The following MECOM variants were observed in gnomAD, a reference collection of about 807,000 sequenced individuals.
MECOM encodes histone-lysine N-methyltransferase MECOM.
Under a neutral mutation model 116.3 loss-of-function variants are expected in MECOM, and 13 were observed. That is an observed-to-expected ratio of 0.11 (90% CI 0.07 to 0.18). The LOEUF (loss-of-function observed/expected upper bound fraction) is 0.18, where lower values mean the gene tolerates loss of function less well. Ranked by LOEUF, MECOM falls within the 10% of genes least tolerant of loss-of-function variation. The pLI, the probability that MECOM is intolerant of heterozygous loss-of-function variation, is 1.00. For missense variants in MECOM, 1,299 were observed against 1,509.0 expected, an observed-to-expected ratio of 0.86 and a Z score of 2.31; for synonymous variants, 528 against 535.2, an observed-to-expected ratio of 0.99 and a Z score of 0.19.
intron 1 of MECOM, among the ~76,000 whole-genome samples, chr3:169,624,325 C>T (rs1771098645): frequency 6.6e-6 from 1 of 152,190 alleles, no homozygotes; most frequent in Admixed American, 6.5e-5. Flanking sequence ...GTAATTGGTG[C>T]CTCTCTACCA....
chr3:169,528,278 C>G (rs1232159823), intron 1 of MECOM, among the ~76,000 whole-genome samples: 1 of 152,152 alleles, frequency 6.6e-6, no homozygotes, highest in Non-Finnish European at 1.5e-5. Flanking sequence ...CAATAATAAG[C>G]TGAGACTCTA....
chr3:169,478,297 T>C (rs1750782413), intron 1 of MECOM, among the ~76,000 whole-genome samples: 1 of 152,332 alleles, frequency 6.6e-6, no homozygotes, highest in African/African-American at 2.4e-5. Context: ...AGAATGATAT[T>C]GTCAAGGCAG....
At chr3:169,562,493 G>A (rs529874178) in intron 1 of MECOM, among the ~76,000 whole-genome samples, 1 of 152,272 alleles carries the variant, frequency 6.6e-6, no homozygotes, top group African/African-American at 2.4e-5. Flanking sequence ...GTATTATGGT[G>A]GAGGGGCTCA....
rs1241798739 is a variant in MECOM at position 169,360,681 on chromosome 3, A to G, written c.375+20506T>C. Among the ~76,000 whole-genome samples, 5 of 151,736 alleles carry G rather than the reference A, an allele frequency of 3.3e-5. No homozygotes were observed. The East Asian group carries it at 9.7e-4, about 30-fold the overall frequency. On this transcript the variant is annotated intron_variant, in intron 2 of 16. Coordinates refer to ENST00000651503, the MANE Select transcript of MECOM (RefSeq NM_004991.4). ...ACAGGCCATTGATGGAGAAGAGCCC[A>G]GGGGGGAAAAAAAAGCAAATTCACA...
chr3:169,587,972 C>A (rs902716303), intron 1 of MECOM, among the ~76,000 whole-genome samples: 1 of 152,156 alleles, frequency 6.6e-6, no homozygotes, highest in Admixed American at 6.5e-5. Context: ...AAACTCCATA[C>A]AGTTCCAAAT....
At position 169,652,744 on chromosome 3, in the gene MECOM, A is replaced by G. The variant is rs1775072002; in HGVS notation, c.37+10592T>C. The stretch of plus-strand genomic sequence containing the variant: ...ATCAACCTTAAATTGTTTGAAAGAA[A>G]TCTTTAATCATAAAAGTGCATTTAA... On this transcript the variant is annotated intron_variant, in intron 1 of 16. Coordinates refer to ENST00000651503, the MANE Select transcript of MECOM (RefSeq NM_004991.4). Among the ~76,000 whole-genome samples, 6 of 152,336 alleles carry G rather than the reference A, an allele frequency of 3.9e-5. No homozygotes were observed. In the South Asian group the frequency reaches 1.2e-3, roughly 32 times the overall value.
chr3:169,324,644 C>T (rs978388467), intron 2 of MECOM, among the ~76,000 whole-genome samples: 1 of 152,200 alleles, frequency 6.6e-6, no homozygotes, highest in Admixed American at 6.5e-5. Context: ...TGCAGATCCT[C>T]GGATTCTCCC....
chr3:169,512,536 A>G (rs1756104796), intron 1 of MECOM, among the ~76,000 whole-genome samples: 1 of 152,164 alleles, frequency 6.6e-6, no homozygotes, highest in Admixed American at 6.5e-5. Context: ...CATGCCCAAT[A>G]TTTACTTCAG....
intron 2 of MECOM, among the ~76,000 whole-genome samples, chr3:169,371,683 A>G (rs1730164757): frequency 6.6e-6 from 1 of 152,008 alleles, no homozygotes; most frequent in Non-Finnish European, 1.5e-5. Context: ...CAATAAAGCC[A>G]AAAAATAAAA....
chr3:169,576,349 TA>T (rs1378227210), intron 1 of MECOM, among the ~76,000 whole-genome samples: 1 of 151,952 alleles, frequency 6.6e-6, no homozygotes, highest in Non-Finnish European at 1.5e-5. Context: ...AAAACCACAA[TA>T]AAAGGATGCT....
intron 1 of MECOM, among the ~76,000 whole-genome samples, chr3:169,423,268 A>G (rs1740064793): frequency 6.6e-6 from 1 of 152,136 alleles, no homozygotes; most frequent in Non-Finnish European, 1.5e-5. Context: ...GATTTCACAC[A>G]TCGAGGTATC....
intron 10 of MECOM, among the ~76,000 whole-genome samples, 194 bp from the exon 11 acceptor site, chr3:169,102,420 G>C (rs1723907012): frequency 6.6e-6 from 1 of 152,134 alleles, no homozygotes; most frequent in Admixed American, 6.6e-5. Flanking sequence ...GTAGAACCAA[G>C]CTTATAAAAT....
intron 2 of MECOM, among the ~76,000 whole-genome samples, chr3:169,241,476 A>T (rs192283971): frequency 6.6e-6 from 1 of 152,362 alleles, no homozygotes; most frequent in East Asian, 1.9e-4. Context: ...AGGTATAAAG[A>T]GAATCCGAAA....
chr3:169,568,136 T>A (rs1231826685), intron 1 of MECOM, among the ~76,000 whole-genome samples: 1 of 152,170 alleles, frequency 6.6e-6, no homozygotes, highest in Non-Finnish European at 1.5e-5. Context: ...CTCCCTTCTC[T>A]AGCCGACAGA....
intron 2 of MECOM, among the ~76,000 whole-genome samples, chr3:169,286,551 G>GA (rs1395400805): frequency 6.6e-6 from 1 of 152,004 alleles, no homozygotes; most frequent in African/African-American, 2.4e-5. Context: ...TCCCTGCAAG[G>GA]AATCAGGCCA....
chr3:169,545,694 A>T (rs1280162509), intron 1 of MECOM, among the ~76,000 whole-genome samples: 1 of 152,184 alleles, frequency 6.6e-6, no homozygotes, highest in Non-Finnish European at 1.5e-5. Flanking sequence ...CCAGTCCTGC[A>T]TCTGACATGA....
At chr3:169,172,407 A>ATGTG (rs5854312) in intron 2 of MECOM, among the ~76,000 whole-genome samples, 26,607 of 144,240 alleles carry the variant, frequency 0.18, 2,575 homozygotes, top group Admixed American at 0.27. Context: ...GTACCCTTGT[A>ATGTG]TGTGTGTGTG....
intron 1 of MECOM, among the ~76,000 whole-genome samples, chr3:169,647,361 G>A (rs140772061): frequency 1.1e-3 from 163 of 152,298 alleles, no homozygotes; most frequent in African/African-American, 3.8e-3. Flanking sequence ...CTTGACTGGC[G>A]TTATTACTTA....
chr3:169,446,589 A>G (rs1282713542), intron 1 of MECOM, among the ~76,000 whole-genome samples: 2 of 152,240 alleles, frequency 1.3e-5, no homozygotes, highest in African/African-American at 4.8e-5. Context: ...TTTACATCAT[A>G]GAACTTGCTA....
Sources: gnomAD v4.1 joint callset for allele counts (sites outside exome capture counted in the v4.1 genomes callset) on GRCh38, gnomAD v4.1.1 for gene constraint, MANE v1.5 for transcripts, NCBI Gene and HGNC (gene_info 2026-07-23, HGNC 2026-07-21) for gene names.